KHSRP: variants seen among roughly 807,000 people sequenced by gnomAD.
KHSRP encodes KH-type splicing regulatory protein, also known as far upstream element-binding protein 2.
Under a neutral mutation model 94.9 loss-of-function variants are expected in KHSRP, and 13 were observed. The observed-to-expected ratio is 0.14, with a 90% confidence interval of 0.09 to 0.22. The LOEUF is 0.22. KHSRP is among the 10% of genes least tolerant of loss of function. The pLI is 1.00. For missense variants in KHSRP, 710 were observed against 1,010.0 expected (o/e 0.70, Z 4.03); for synonymous variants, 495 against 401.4 (o/e 1.23, Z -2.79).
chr19:6,416,584 G>A lies in KHSRP; in HGVS notation c.1394C>T (p.Pro465Leu). 1.2e-6 allele frequency: 2 copies of A among 1,613,860 alleles called. No individual in the cohort carries two copies. Among genetic ancestry groups the A allele is most frequent in the Non-Finnish European group, 8.5e-7 (1 of 1,179,746 alleles). ...GAFVEISRQL[P>L]PNGDPNFKLF... ...CTTGAAGTTGGGGTCCCCGTTGGGTGGCAGCTGCCGGGAGATCTCTACGAA... is the reference window on the plus strand; with the variant it reads ...CTTGAAGTTGGGGTCCCCGTTGGGTAGCAGCTGCCGGGAGATCTCTACGAA... Residue 465 changes from proline (P) to leucine (L), a missense_variant, in exon 14 of 19, where the codon CCA becomes CTA. Around this residue, in one of 5 missense-constraint regions of KHSRP, gnomAD observed 37 missense variants for 61.1 expected, o/e 0.61. Coordinates refer to ENST00000600480, the MANE Select transcript of KHSRP (RefSeq NM_001366299.1).
In KHSRP at chr19:6,413,323, G is replaced by GT. The variant is rs977869722; in HGVS notation, c.*1700_*1701insA. ...CTACAGGGAGGGAAGGAAAGGGGGG[G>GT]AGACAGACAGCACCCGCAGACGGGG... On this transcript the variant is annotated 3_prime_UTR_variant, in exon 19 of 19. Transcript: ENST00000600480. The GT allele has an allele frequency of 4.9e-5, 15 of 305,672 alleles. No homozygotes were observed. The highest frequency in any genetic ancestry group is 3.0e-4 in the African/African-American group (13 of 43,696). The allele number at this position is 305,672 out of a possible 1,614,324, so 18.9% of individuals were successfully genotyped here.
In KHSRP at chr19:6,414,994, C is replaced by A; in HGVS notation, c.*30G>T. The A allele has an allele frequency of 6.9e-7, 1 of 1,447,338 alleles. No homozygotes were observed. The highest frequency in any genetic ancestry group is 9.0e-7 in the Non-Finnish European group (1 of 1,107,082). The allele number at this position is 1,447,338 out of a possible 1,614,324, so 89.7% of individuals were successfully genotyped here. Reference sequence around the variant, plus strand: ...GGCGGTGCGTGGGGACTCCCGGAGACCTCCGGCCACACGGCCCCCGCTGCA... The same window carrying A: ...GGCGGTGCGTGGGGACTCCCGGAGAACTCCGGCCACACGGCCCCCGCTGCA... On this transcript the variant is annotated 3_prime_UTR_variant, in exon 19 of 19. Transcript: ENST00000600480.
intron 1 of KHSRP, among the ~76,000 whole-genome samples, chr19:6,422,843 T>C (rs866315460): frequency 6.6e-6 from 1 of 152,190 alleles, no homozygotes; most frequent in Non-Finnish European, 1.5e-5. Context: ...TGTTTTTTTT[T>C]AGCCCCGTTT....
chr19:6,417,337 T>C (rs1008362594), intron 11 of KHSRP, among the ~76,000 whole-genome samples: 1 of 152,140 alleles, frequency 6.6e-6, no homozygotes, highest in Non-Finnish European at 1.5e-5. Flanking sequence ...ACTGAGAGAT[T>C]TTACAGAACA....
At chr19:6,420,214 T>C (rs971002531) in intron 5 of KHSRP, 70 bp from the exon 6 acceptor site, 2 of 1,439,006 alleles carry the variant, frequency 1.4e-6, no homozygotes, top group Admixed American at 1.9e-5. Flanking sequence ...GGAGACTGTG[T>C]GGCCGGGGCC....
At chr19:6,423,623 G>A (rs1002395887) in intron 1 of KHSRP, among the ~76,000 whole-genome samples, 35 of 152,324 alleles carry the variant, frequency 2.3e-4, no homozygotes, top group Middle Eastern at 6.8e-3. Flanking sequence ...ACGACAGAGG[G>A]CCAGAACACA....
At position 6,424,574 on chromosome 19, in the gene KHSRP, C is replaced by A. The variant is rs2092220998; in HGVS notation, c.128G>T (p.Gly43Val). 1.0e-6 allele frequency: 1 copy of A among 962,196 alleles called. No homozygotes were observed. Among genetic ancestry groups the A allele is most frequent in the East Asian group, 1.2e-4 (1 of 8,362 alleles). 59.6% of individuals were successfully genotyped at this position (962,196 alleles called of 1,614,324 possible). Residue 43 changes from glycine to valine, a missense_variant, in exon 1 of 19, where the codon GGC becomes GTC. Physicochemically the swap from Gly to Val is moderately radical, Grantham distance 109 (BLOSUM62 -3). Transcript: ENST00000600480. ...GCCCGGGCCGCCGCCGCCGGGACCGCCGCCGCCCCGGTCCCCCGCGCCTGG... is the reference window on the plus strand; with the variant it reads ...GCCCGGGCCGCCGCCGCCGGGACCGACGCCGCCCCGGTCCCCCGCGCCTGG... ...GPPGAGDRGG[G>V]GPGGGGPGGG... is the part of the protein sequence containing the mutation.
Position 6,418,628 on chromosome 19 carries a change from C to T in KHSRP, c.781-47G>A. On this transcript the variant is annotated intron_variant, in intron 8 of 18. Coordinates refer to ENST00000600480, the MANE Select transcript of KHSRP (RefSeq NM_001366299.1). This position sits in a 1 kb window ranked among gnomAD's most constrained non-coding sequence, Gnocchi z 4.3. ...TTAGTGCTGGGCTCTCCCAGGACTT[C>T]CTGGGCTGCTGTGGTGGTGGCGGTG... is the stretch of plus-strand genomic sequence containing the variant. 3 of 1,613,006 alleles carry T rather than the reference C, an allele frequency of 1.9e-6. No individual in the cohort carries two copies. The highest frequency in any genetic ancestry group is 1.7e-6 in the Non-Finnish European group (2 of 1,178,978).
rs142423316 is a variant in KHSRP, at chr19:6,413,494, G to C, written c.*1530C>G. 6.1e-5 allele frequency: 22 copies of C among 359,766 alleles called. No individual in the cohort carries two copies. Among genetic ancestry groups the C allele is most frequent in the African/African-American group, 3.9e-4 (18 of 45,750 alleles). 22.3% of individuals were successfully genotyped at this position (359,766 alleles called of 1,614,324 possible). ...AAAGACAACAGACCAGTCCTGGGAG[G>C]GGGGACGGGCGGGGCCGCGGGAGCT... is the stretch of plus-strand genomic sequence containing the variant. On this transcript the variant is annotated 3_prime_UTR_variant, in exon 19 of 19. Transcript: ENST00000600480.
At position 6,418,193 on chromosome 19, in the gene KHSRP, C is replaced by G; in HGVS notation, c.880-114G>C. On this transcript the variant is annotated intron_variant, in intron 9 of 18. Transcript: ENST00000600480. The surrounding 1 kb of genome is among the most constrained non-coding windows in gnomAD (Gnocchi z 4.3). ...ACCCACGAACCCTGGGTGAGCCCAGCACAGCACCCTACTGAGCTCTCTACC... is the reference window on the plus strand; with the variant it reads ...ACCCACGAACCCTGGGTGAGCCCAGGACAGCACCCTACTGAGCTCTCTACC... 2.4e-6 allele frequency: 2 copies of G among 850,502 alleles called. No homozygotes were observed. Among genetic ancestry groups the G allele is most frequent in the South Asian group, 2.9e-5 (2 of 67,868 alleles). The allele number at this position is 850,502 out of a possible 1,614,324, so 52.7% of individuals were successfully genotyped here.
chr19:6,422,466 T>C (rs776331971), intron 1 of KHSRP, 30 bp from the exon 2 acceptor site: 41 of 1,558,746 alleles, frequency 2.6e-5, no homozygotes, highest in Non-Finnish European at 3.5e-5. Flanking sequence ...ACAGAAGAAT[T>C]ACCACCAAAA....
chr19:6,415,140 C>T lies in KHSRP; in HGVS notation c.2128G>A (p.Ala710Thr). 1 of 1,602,218 alleles carries T rather than the reference C, an allele frequency of 6.2e-7. No homozygotes were observed. The highest frequency in any genetic ancestry group is 8.5e-7 in the Non-Finnish European group (1 of 1,178,470). Residue 710 changes from alanine to threonine, a missense_variant, in exon 19 of 19, where the codon GCA (alanine) becomes ACA (threonine). This residue lies in a region of KHSRP where 292 missense variants were observed against 340.5 expected (regional missense o/e 0.86). Coordinates refer to ENST00000600480, the MANE Select transcript of KHSRP (RefSeq NM_001366299.1). ...PPPTQQGQQQ[A>T]SGNCHPPPPP... ...GGAGGAGGGTGGCAATTCCCACTTG[C>T]CTGCTGCTGTCCCTGCTGCGTGGGC...
At position 6,418,915 on chromosome 19, in the gene KHSRP, G is replaced by A. The variant is rs370969874; in HGVS notation, c.606-39C>T. 34 of 1,506,380 alleles carry A rather than the reference G, an allele frequency of 2.3e-5. No individual in the cohort carries two copies. Among genetic ancestry groups the A allele is most frequent in the South Asian group, 4.0e-5 (3 of 74,366 alleles). 93.3% of individuals were successfully genotyped at this position (1,506,380 alleles called of 1,614,324 possible). ...GAGCGGGGGATGAGCGGGTGCCACC[G>A]CTGGAGAAAGGTACTGGTCTGGTGG... is the stretch of plus-strand genomic sequence containing the variant. On this transcript the variant is annotated intron_variant, in intron 7 of 18. Coordinates refer to ENST00000600480, the MANE Select transcript of KHSRP (RefSeq NM_001366299.1). The surrounding 1 kb of genome is among the most constrained non-coding windows in gnomAD (Gnocchi z 4.3).
chr19:6,416,291 T>C lies in KHSRP; in HGVS notation c.1598+7A>G, dbSNP rs2092145639. On this transcript the variant is annotated splice_region_variant and intron_variant, in intron 15 of 18. Coordinates refer to ENST00000600480, the MANE Select transcript of KHSRP (RefSeq NM_001366299.1). The stretch of plus-strand genomic sequence containing the variant: ...GCCTCAAAACCCAGGAGGCAGAGGA[T>C]ACTCACTGTGGGGGAGCCCCGGGTG... 6.3e-7 allele frequency: 1 copy of C among 1,593,842 alleles called. No homozygotes were observed. The highest frequency in any genetic ancestry group is 8.5e-7 in the Non-Finnish European group (1 of 1,171,482).
rs1568343601 is a variant in KHSRP at position 6,418,691 on chromosome 19, G to A, written c.780+11C>T. Reference sequence around the variant, plus strand: ...CGGATGCAGAGGAAGCTGCCCAGGTGCTGCCCTCACCTGCAGCTGCTTAAT... The same window carrying A: ...CGGATGCAGAGGAAGCTGCCCAGGTACTGCCCTCACCTGCAGCTGCTTAAT... On this transcript the variant is annotated intron_variant, in intron 8 of 18. Transcript: ENST00000600480. This position sits in a 1 kb window ranked among gnomAD's most constrained non-coding sequence, Gnocchi z 4.3. The A allele has an allele frequency of 6.2e-7, 1 of 1,613,876 alleles. No individual in the cohort carries two copies. Among genetic ancestry groups the A allele is most frequent in the Non-Finnish European group, 8.5e-7 (1 of 1,179,840 alleles).
At chr19:6,415,337 T>C (rs772018681) in intron 18 of KHSRP, 36 bp from the exon 19 acceptor site, 23 of 1,612,804 alleles carry the variant, frequency 1.4e-5, no homozygotes, top group African/African-American at 4.0e-5. Context: ...AGGCTGTGGG[T>C]GAGGGCTGCC....
Position 6,418,211 on chromosome 19 carries a change from T to C in KHSRP, c.880-132A>G. 2.7e-6 allele frequency: 2 copies of C among 745,092 alleles called. No individual in the cohort carries two copies. The highest frequency in any genetic ancestry group is 3.3e-5 in the South Asian group (2 of 60,752). The allele number at this position is 745,092 out of a possible 1,614,324, so 46.2% of individuals were successfully genotyped here. On this transcript the variant is annotated intron_variant, in intron 9 of 18. Coordinates refer to ENST00000600480, the MANE Select transcript of KHSRP (RefSeq NM_001366299.1). This position sits in a 1 kb window ranked among gnomAD's most constrained non-coding sequence, Gnocchi z 4.3. ...AGCCCAGCACAGCACCCTACTGAGC[T>C]CTCTACCTGCCACTTTAATGGGGAG...
chr19:6,418,474 C>G lies in KHSRP; in HGVS notation c.879+9G>C. 6.2e-7 allele frequency: 1 copy of G among 1,609,466 alleles called. No homozygotes were observed. Among genetic ancestry groups the G allele is most frequent in the South Asian group, 1.1e-5 (1 of 90,794 alleles). ...CAGAACCCCCTCCACCACCCCAGGGCGTGCTCACCTGCACTTTGTAAGGAT... is the reference window on the plus strand; with the variant it reads ...CAGAACCCCCTCCACCACCCCAGGGGGTGCTCACCTGCACTTTGTAAGGAT... On this transcript the variant is annotated intron_variant, in intron 9 of 18. Coordinates refer to ENST00000600480, the MANE Select transcript of KHSRP (RefSeq NM_001366299.1). This position sits in a 1 kb window ranked among gnomAD's most constrained non-coding sequence, Gnocchi z 4.3.
rs572064030 is a variant in KHSRP, at chr19:6,418,292, G to A, written c.879+191C>T. ...AAAGCAGAAGGTCAGAGGTGAGGCC[G>A]GTGCCTCACACACACAAAGCTGGGA... On this transcript the variant is annotated intron_variant, in intron 9 of 18. Transcript: ENST00000600480. This position sits in a 1 kb window ranked among gnomAD's most constrained non-coding sequence, Gnocchi z 4.3. Among the ~76,000 whole-genome samples the A allele has an allele frequency of 2.1e-4, 32 of 152,230 alleles. No individual in the cohort carries two copies. Among genetic ancestry groups the A allele is most frequent in the South Asian group, 6.2e-4 (3 of 4,820 alleles).
Sources: allele counts gnomAD v4.1 joint callset (sites outside exome capture counted in the v4.1 genomes callset), GRCh38; gene constraint gnomAD v4.1.1; regional missense constraint gnomAD v4.1.1; non-coding constraint Gnocchi (gnomAD v3.1); transcripts MANE v1.5; gene names NCBI Gene and HGNC (gene_info 2026-07-23, HGNC 2026-07-21).